Variants in PLXNA4 observed in about 807,000 individuals in gnomAD.
PLXNA4 encodes plexin A4, also known as plexin-A4.
PLXNA4 carries 44 observed loss-of-function variants against 191.8 expected under a neutral mutation model. The ratio of observed to expected loss-of-function variants is 0.23; its 90% CI spans 0.18 to 0.29. PLXNA4 has a LOEUF of 0.29. Ranked by LOEUF, PLXNA4 falls within the 10% of genes least tolerant of loss-of-function variation. PLXNA4 has a pLI of 1.00. For synonymous variants in PLXNA4, 1,082 were observed against 1,009.5 expected, an observed-to-expected ratio of 1.07 and a Z score of -1.36; for missense variants, 1,800 against 2,488.8, an observed-to-expected ratio of 0.72 and a Z score of 5.89.
chr7:132,563,359 TCTC>T (rs1162094997), intron 1 of PLXNA4, among the ~76,000 whole-genome samples: 50 of 19,620 alleles, frequency 2.5e-3, no homozygotes, highest in Non-Finnish European at 3.6e-3. Flanking sequence ...TTCTCCTCCT[TCTC>T]CTCCTCCTCC....
chr7:132,264,682 C>T (rs1012026897), intron 4 of PLXNA4, among the ~76,000 whole-genome samples: 22 of 117,584 alleles, frequency 1.9e-4, no homozygotes, highest in African/African-American at 6.1e-4. Flanking sequence ...CGGTCCTCCC[C>T]GCTTTTTTTT....
At chr7:132,514,669 A>G (rs1279633414) in intron 1 of PLXNA4, among the ~76,000 whole-genome samples, 1 of 152,150 alleles carries the variant, frequency 6.6e-6, no homozygotes, top group Non-Finnish European at 1.5e-5. Context: ...CCACCAGCAG[A>G]TGGCCTTTGG....
chr7:132,455,348 A>G (rs909819146), intron 3 of PLXNA4, among the ~76,000 whole-genome samples: 1 of 151,972 alleles, frequency 6.6e-6, no homozygotes, highest in African/African-American at 2.4e-5. Context: ...TGCAGAGGGA[A>G]TGACAGAGAG....
intron 4 of PLXNA4, among the ~76,000 whole-genome samples, chr7:132,258,161 C>A (rs949393468): frequency 6.6e-5 from 10 of 152,346 alleles, no homozygotes; most frequent in Admixed American, 2.0e-4. Context: ...GAGAGGGTCT[C>A]CCCACCCCTG....
intron 3 of PLXNA4, among the ~76,000 whole-genome samples, chr7:132,412,459 C>T (rs75271540): frequency 0.011 from 1,655 of 152,154 alleles, 28 homozygotes; most frequent in African/African-American, 0.038. Context: ...TGGGCAAAGA[C>T]GAAGGGAGCA....
chr7:132,229,703 C>T (rs1798457870), intron 5 of PLXNA4, among the ~76,000 whole-genome samples: 1 of 152,038 alleles, frequency 6.6e-6, no homozygotes, highest in Non-Finnish European at 1.5e-5. Flanking sequence ...TTTATTAGGA[C>T]ACAGAACAGC....
intron 3 of PLXNA4, among the ~76,000 whole-genome samples, chr7:132,326,954 GAAGGA>G (rs901692758): frequency 8.4e-5 from 12 of 143,230 alleles, no homozygotes; most frequent in African/African-American, 3.1e-4. Flanking sequence ...AGAGAGGGAA[GAAGGA>G]AAGGAGAAAC....
intron 1 of PLXNA4, among the ~76,000 whole-genome samples, chr7:132,557,191 G>A (rs1254019250): frequency 6.6e-6 from 1 of 152,212 alleles, no homozygotes; most frequent in South Asian, 2.1e-4. Context: ...ACCTGCACCT[G>A]TGATCAGTCA....
chr7:132,207,853 G>C (rs775640360), intron 10 of PLXNA4, among the ~76,000 whole-genome samples: 3 of 152,206 alleles, frequency 2.0e-5, no homozygotes, highest in Non-Finnish European at 4.4e-5. Flanking sequence ...TAACACCAAA[G>C]CTGGGGTAGA....
At chr7:132,157,675 A>G (rs1795836842) in intron 25 of PLXNA4, among the ~76,000 whole-genome samples, 1 of 151,976 alleles carries the variant, frequency 6.6e-6, no homozygotes, top group South Asian at 2.1e-4. Context: ...CTCTCCTCCC[A>G]CCTGAATTGC....
chr7:132,218,231 CA>C lies in PLXNA4; in HGVS notation c.2097+5295del, dbSNP rs1020767264. 1.1e-4 allele frequency among the ~76,000 whole-genome samples: 17 copies of C among 152,262 alleles called. No homozygotes were observed. The East Asian group carries it at 1.7e-3, about 16-fold the overall frequency. ...TTCATCCTGGCTCTGAATTTCTTTT[CA>C]GGGGTGTTGGGGTATTAGGGGATGT... On this transcript the variant is annotated intron_variant, in intron 9 of 31. Transcript: ENST00000321063.
At chr7:132,396,626 G>A (rs969363604) in intron 3 of PLXNA4, among the ~76,000 whole-genome samples, 1 of 152,188 alleles carries the variant, frequency 6.6e-6, no homozygotes, top group Admixed American at 6.5e-5. Context: ...GAGTAGCTGG[G>A]ATTACAGGTG....
chr7:132,509,026 G>GTGA (rs1397059770), intron 1 of PLXNA4, among the ~76,000 whole-genome samples: 1 of 152,156 alleles, frequency 6.6e-6, no homozygotes, highest in Non-Finnish European at 1.5e-5. Flanking sequence ...GATAATAGCA[G>GTGA]TGATGATGAT....
At chr7:132,577,617 C>A (rs888615947), upstream of PLXNA4, among the ~76,000 whole-genome samples, 3 of 152,154 alleles carry the variant, frequency 2.0e-5, no homozygotes, top group South Asian at 4.1e-4. Flanking sequence ...GCCGACACCC[C>A]CCTGGGTCCC....
chr7:132,211,064 T>C lies in PLXNA4; in HGVS notation c.2177A>G (p.Asn726Ser). ...CTGCCCAGACTGGGGCTGGGGGAGGTTCTTGGCCTTCAGCGTGATAGGCTT... is the reference window on the plus strand; with the variant it reads ...CTGCCCAGACTGGGGCTGGGGGAGGCTCTTGGCCTTCAGCGTGATAGGCTT... ...VIKPITLKAK[N>S]LPQPQSGQRG... Residue 726 changes from asparagine (N) to serine (S), a missense_variant, in exon 10 of 32, where the codon AAC becomes AGC. This residue lies in a region of PLXNA4 where 1,397 missense variants were observed against 1,880.4 expected (regional missense o/e 0.74). Coordinates refer to ENST00000321063, the MANE Select transcript of PLXNA4 (RefSeq NM_020911.2). 1 of 1,610,184 alleles carries C rather than the reference T, an allele frequency of 6.2e-7. No homozygotes were observed. Among genetic ancestry groups the C allele is most frequent in the Non-Finnish European group, 8.5e-7 (1 of 1,178,398 alleles).
chr7:132,607,255 A>G (rs902036621), intron 2 of PLXNA4, among the ~76,000 whole-genome samples: 3 of 152,308 alleles, frequency 2.0e-5, no homozygotes, highest in Non-Finnish European at 2.9e-5. Flanking sequence ...GTGGTTTCAA[A>G]TTCTAGAGAA....
At chr7:132,547,489 C>T (rs1434371150) in intron 1 of PLXNA4, among the ~76,000 whole-genome samples, 4 of 152,132 alleles carry the variant, frequency 2.6e-5, no homozygotes, top group East Asian at 3.9e-4. Flanking sequence ...CCCATTTCTT[C>T]GCTAGGGTGC....
intron 10 of PLXNA4, among the ~76,000 whole-genome samples, chr7:132,206,405 G>C (rs1014949673): frequency 6.6e-6 from 1 of 150,630 alleles, no homozygotes; most frequent in Non-Finnish European, 1.5e-5. Flanking sequence ...TATGTATGGG[G>C]ATGTATACAT....
chr7:132,464,535 G>A lies in PLXNA4; in HGVS notation c.1371+24757C>T, dbSNP rs150606773. Among the ~76,000 whole-genome samples, 1,318 of 152,262 alleles carry A rather than the reference G, an allele frequency of 8.7e-3. 16 individuals carry two copies. Among genetic ancestry groups the A allele is most frequent in the Non-Finnish European group, 9.8e-3 (664 of 68,022 alleles). On this transcript the variant is annotated intron_variant, in intron 3 of 31. Coordinates refer to ENST00000321063, the MANE Select transcript of PLXNA4 (RefSeq NM_020911.2). ...CCTGCATCTCAGGTGGGTGTGCATCGAAATACAGTGAAAGGGCTTTGCAAA... is the reference window on the plus strand; with the variant it reads ...CCTGCATCTCAGGTGGGTGTGCATCAAAATACAGTGAAAGGGCTTTGCAAA...
Sources: gnomAD v4.1 joint callset for allele counts (sites outside exome capture counted in the v4.1 genomes callset) on GRCh38, gnomAD v4.1.1 for gene constraint, gnomAD v4.1.1 regional missense constraint, MANE v1.5 for transcripts, NCBI Gene and HGNC (gene_info 2026-07-23, HGNC 2026-07-21) for gene names.